Variants in RASEF observed in about 807,000 individuals in gnomAD.
The protein encoded by RASEF is RAS and EF-hand domain containing, also known as ras and EF-hand domain-containing protein.
A neutral mutation model predicts 90.1 loss-of-function variants in RASEF; 68 were observed. The ratio of observed to expected loss-of-function variants is 0.75; its 90% CI spans 0.62 to 0.92. The LOEUF (loss-of-function observed/expected upper bound fraction) is 0.92. Among genes scored for constraint, RASEF ranks in the 40% least tolerant of loss-of-function variants. The pLI, the probability that RASEF is intolerant of heterozygous loss-of-function variation, is 0.00. For synonymous variants in RASEF, 331 were observed against 345.2 expected, an observed-to-expected ratio of 0.96 and a Z score of 0.46; for missense variants, 949 against 937.2, an observed-to-expected ratio of 1.01 and a Z score of -0.16.
At chr9:83,130,993 A>T in the RASEF span, among the ~76,000 whole-genome samples, 1 of 152,238 alleles carries the variant, frequency 6.6e-6, no homozygotes, top group Non-Finnish European at 1.5e-5. Context: ...TTCTGGTTTT[A>T]GCTCTAACAC....
At chr9:82,987,351 T>A (rs567460197) in intron 16 of RASEF, among the ~76,000 whole-genome samples, 7 of 152,352 alleles carry the variant, frequency 4.6e-5, no homozygotes, top group Non-Finnish European at 7.3e-5. Context: ...AAAACCTCTA[T>A]GATAAATGAT....
chr9:82,985,326 G>A (rs1270941410), intron 16 of RASEF, among the ~76,000 whole-genome samples: 4 of 152,154 alleles, frequency 2.6e-5, no homozygotes, highest in African/African-American at 7.2e-5. Flanking sequence ...AGTGGAAACC[G>A]CTGATAATCC....
chr9:83,165,866 T>C, the RASEF span, among the ~76,000 whole-genome samples: 10 of 152,048 alleles, frequency 6.6e-5, no homozygotes, highest in South Asian at 2.1e-4. Flanking sequence ...AATCAATAAA[T>C]ACATTTTTTT....
At chr9:83,158,856 G>A in the RASEF span, among the ~76,000 whole-genome samples, 32 of 151,188 alleles carry the variant, frequency 2.1e-4, no homozygotes, top group South Asian at 1.9e-3. Flanking sequence ...ACCTGGGGTA[G>A]GTAAATAAAT....
chr9:83,047,415 C>T (rs180849033), intron 1 of RASEF, among the ~76,000 whole-genome samples: 22 of 152,304 alleles, frequency 1.4e-4, no homozygotes, highest in African/African-American at 5.1e-4. Context: ...AACAATACTA[C>T]AATACCAGAA....
the RASEF span, among the ~76,000 whole-genome samples, chr9:83,157,921 C>G: frequency 2.6e-5 from 4 of 152,168 alleles, no homozygotes; most frequent in Non-Finnish European, 5.9e-5. Context: ...GAAATATCAG[C>G]ACTTAATTCA....
the RASEF span, among the ~76,000 whole-genome samples, chr9:83,134,441 CACACACACAT>C: frequency 6.6e-6 from 1 of 151,474 alleles, no homozygotes; most frequent in Non-Finnish European, 1.5e-5. Context: ...CACACACACA[CACACACACAT>C]ATATATATAT....
the RASEF span, among the ~76,000 whole-genome samples, chr9:83,149,751 A>G: frequency 6.6e-6 from 1 of 152,210 alleles, no homozygotes; most frequent in Non-Finnish European, 1.5e-5. Context: ...AGCCAACCGC[A>G]GCAGATTGTT....
the RASEF span, among the ~76,000 whole-genome samples, chr9:83,129,019 T>C: frequency 4.6e-5 from 7 of 152,360 alleles, no homozygotes; most frequent in African/African-American, 1.7e-4. Flanking sequence ...TTTATCCCCA[T>C]ATAGGTCAGT....
chr9:83,055,468 C>A (rs975427775), intron 1 of RASEF: 3 of 662,508 alleles, frequency 4.5e-6, no homozygotes, highest in South Asian at 1.5e-5. Context: ...GAGATGAACC[C>A]GGTACCTCAG....
At chr9:83,191,577 A>G in the RASEF span, among the ~76,000 whole-genome samples, 1 of 152,196 alleles carries the variant, frequency 6.6e-6, no homozygotes, top group Non-Finnish European at 1.5e-5. Flanking sequence ...GTCTATGGAA[A>G]AGATCCACAT....
At chr9:83,011,025 T>G (rs1829233742) in intron 5 of RASEF, among the ~76,000 whole-genome samples, 1 of 152,122 alleles carries the variant, frequency 6.6e-6, no homozygotes, top group South Asian at 2.1e-4. Flanking sequence ...CTAAACAAAC[T>G]TAATAAATTG....
Position 83,062,717 on chromosome 9 carries a change from A to C in RASEF, c.151T>G (p.Phe51Val), listed in dbSNP as rs1830235402. ...TCACGGTCGGCGTCCAGCCGCTGGAATACTGCCTCGGCGTCGGCCGGCCGC... is the reference window on the plus strand; with the variant it reads ...TCACGGTCGGCGTCCAGCCGCTGGACTACTGCCTCGGCGTCGGCCGGCCGC... ...RVRPADAEAV[F>V]QRLDADRDGA... The change falls in exon 1 of 17, where the codon TTC becomes GTC. Residue 51 changes from phenylalanine to valine, a missense_variant. Phe to Val is a conservative substitution (Grantham distance 50, BLOSUM62 -1). Transcript: ENST00000376447. 8 of 1,578,770 alleles carry C rather than the reference A, an allele frequency of 5.1e-6. No homozygotes were observed. The highest frequency in any genetic ancestry group is 6.8e-6 in the Non-Finnish European group (8 of 1,171,084).
At chr9:83,134,670 T>C in the RASEF span, among the ~76,000 whole-genome samples, 1 of 152,152 alleles carries the variant, frequency 6.6e-6, no homozygotes, top group African/African-American at 2.4e-5. Context: ...CATAAACTAG[T>C]GCCAGCTGCT....
chr9:83,043,988 T>C (rs971230903), intron 1 of RASEF, among the ~76,000 whole-genome samples: 15 of 152,166 alleles, frequency 9.9e-5, no homozygotes, highest in African/African-American at 3.4e-4. Context: ...AGCAGCTCTC[T>C]TGTGGCTGCT....
chr9:83,132,303 A>C, the RASEF span, among the ~76,000 whole-genome samples: 1 of 152,172 alleles, frequency 6.6e-6, no homozygotes, highest in South Asian at 2.1e-4. Flanking sequence ...AATCTAGCCT[A>C]CATAGAGAAG....
chr9:83,109,813 G>A, the RASEF span, among the ~76,000 whole-genome samples: 11 of 152,006 alleles, frequency 7.2e-5, no homozygotes, highest in African/African-American at 1.9e-4. Context: ...TCCCAGACGC[G>A]TTATAAATTC....
intron 12 of RASEF, among the ~76,000 whole-genome samples, chr9:82,999,855 C>T (rs796525261): frequency 8.5e-5 from 13 of 152,132 alleles, no homozygotes; most frequent in Non-Finnish European, 1.3e-4. Context: ...CTGCCTGGCT[C>T]GGCCTCCCAA....
chr9:83,027,789 C>G lies in RASEF; in HGVS notation c.432-1868G>C, dbSNP rs115505242. ...TACCCTTTGTGTCTAGTTAATGAAGCCTGTGTAACTCATCTGCTATGGATG... is the reference window on the plus strand; with the variant it reads ...TACCCTTTGTGTCTAGTTAATGAAGGCTGTGTAACTCATCTGCTATGGATG... On this transcript the variant is annotated intron_variant, in intron 1 of 16. Transcript: ENST00000376447. Among the ~76,000 whole-genome samples, 1,066 of 152,218 alleles carry G rather than the reference C, an allele frequency of 7.0e-3. 14 individuals are homozygous for G. The highest frequency in any genetic ancestry group is 0.024 in the African/African-American group (991 of 41,536).
Sources: gnomAD v4.1 joint callset for allele counts (sites outside exome capture counted in the v4.1 genomes callset) on GRCh38, gnomAD v4.1.1 for gene constraint, MANE v1.5 for transcripts, NCBI Gene and HGNC (gene_info 2026-07-23, HGNC 2026-07-21) for gene names.